Variants in MRPL3 observed in about 807,000 individuals in gnomAD.
MRPL3 encodes the protein large ribosomal subunit protein uL3m.
MRPL3 carries 43 observed loss-of-function variants against 44.3 expected under a neutral mutation model. The ratio of observed to expected loss-of-function variants is 0.97; its 90% CI spans 0.76 to 1.25. The LOEUF (loss-of-function observed/expected upper bound fraction) is 1.25, where lower values mean the gene tolerates loss of function less well. Among genes scored for constraint, MRPL3 ranks in the 50% most tolerant of loss-of-function variants. MRPL3 has a pLI of 0.00. For synonymous variants in MRPL3, 171 were observed against 152.3 expected (o/e 1.12, Z -0.91); for missense variants, 406 against 427.6 (o/e 0.95, Z 0.45).
chr3:131,472,428 C>T (rs992728455), intron 6 of MRPL3, among the ~76,000 whole-genome samples: 1 of 152,104 alleles, frequency 6.6e-6, no homozygotes, highest in Non-Finnish European at 1.5e-5. Flanking sequence ...TTCTGAAATG[C>T]TCACTAAATT....
chr3:131,473,475 C>A (rs1261984986), intron 6 of MRPL3, among the ~76,000 whole-genome samples: 3 of 151,684 alleles, frequency 2.0e-5, no homozygotes, highest in Non-Finnish European at 4.4e-5. Context: ...GGAAATGCTT[C>A]ATAATACTGG....
intron 4 of MRPL3, among the ~76,000 whole-genome samples, chr3:131,492,536 G>T (rs1305111296): frequency 6.6e-6 from 1 of 152,120 alleles, no homozygotes; most frequent in African/African-American, 2.4e-5. Context: ...AGCTCCTATA[G>T]GGTTTGCGCT....
chr3:131,492,574 TCTGA>T (rs1404540489), intron 4 of MRPL3, among the ~76,000 whole-genome samples: 3 of 152,162 alleles, frequency 2.0e-5, no homozygotes, highest in Non-Finnish European at 2.9e-5. Flanking sequence ...CTGCCACTGA[TCTGA>T]CTGACAGGAG....
chr3:131,480,562 T>A lies in MRPL3; in HGVS notation c.629+7118A>T, dbSNP rs572740381. Among the ~76,000 whole-genome samples the A allele has an allele frequency of 3.3e-5, 5 of 152,278 alleles. No homozygotes were observed. In the East Asian group the frequency reaches 9.6e-4, roughly 29 times the overall value. ...TGCTTACGGCTTTTCTGACATCAAA[T>A]CTAGCTCATTTAATAGTACAAAGAG... On this transcript the variant is annotated intron_variant, in intron 6 of 9. Transcript: ENST00000264995.
chr3:131,465,029 T>C (rs1933570698), intron 9 of MRPL3, among the ~76,000 whole-genome samples: 1 of 152,250 alleles, frequency 6.6e-6, no homozygotes, highest in South Asian at 2.1e-4. Flanking sequence ...AATTCATACC[T>C]TAATTAATGC....
In MRPL3 at chr3:131,502,948, C is replaced by A. The variant is rs555070802; in HGVS notation, c.-127G>T. 367 of 864,606 alleles carry A rather than the reference C, an allele frequency of 4.2e-4. 1 individual carries two copies. Among genetic ancestry groups the A allele is most frequent in the Non-Finnish European group, 2.9e-4 (154 of 530,820 alleles). The allele number at this position is 864,606 out of a possible 1,614,324, so 53.6% of individuals were successfully genotyped here. ...GAAGTTTTCGCAATGGCCGCCGGAA[C>A]GGTCGCCGGCCGATGCTCTCTGCGA... On this transcript the variant is annotated 5_prime_UTR_variant, in exon 1 of 10. Transcript: ENST00000264995.
chr3:131,478,353 C>T (rs1246060368), intron 6 of MRPL3, among the ~76,000 whole-genome samples: 2 of 152,116 alleles, frequency 1.3e-5, no homozygotes, highest in Admixed American at 1.3e-4. Context: ...TCTCTTCCTT[C>T]AAGTTATCCT....
intron 6 of MRPL3, among the ~76,000 whole-genome samples, chr3:131,484,257 G>A (rs993235475): frequency 2.0e-5 from 3 of 152,174 alleles, no homozygotes; most frequent in Non-Finnish European, 4.4e-5. Flanking sequence ...GTGTGTTTCC[G>A]GACCAGCAGC....
chr3:131,471,882 T>A (rs1019268390), intron 6 of MRPL3, among the ~76,000 whole-genome samples: 4 of 152,136 alleles, frequency 2.6e-5, no homozygotes, highest in African/African-American at 9.7e-5. Flanking sequence ...GTGTAAACTG[T>A]CCTATGGAGA....
At chr3:131,472,337 A>G (rs1933759334) in intron 6 of MRPL3, among the ~76,000 whole-genome samples, 2 of 152,130 alleles carry the variant, frequency 1.3e-5, no homozygotes, top group South Asian at 4.1e-4. Flanking sequence ...AAATGAAATC[A>G]CTCTATTTTC....
In MRPL3 at chr3:131,463,213, A is replaced by C. The variant is rs188302111; in HGVS notation, c.895-338T>G. 3.4e-3 allele frequency among the ~76,000 whole-genome samples: 523 copies of C among 152,304 alleles called. 3 individuals carry two copies. The highest frequency in any genetic ancestry group is 0.011 in the African/African-American group (477 of 41,568). ...CATTTATATGGATTCATTTTCAAATATAATGACCTGACAAACTAGCATTTT... is the reference window on the plus strand; with the variant it reads ...CATTTATATGGATTCATTTTCAAATCTAATGACCTGACAAACTAGCATTTT... On this transcript the variant is annotated intron_variant, in intron 9 of 9. Transcript: ENST00000264995.
At chr3:131,484,911 G>A (rs1030346127) in intron 6 of MRPL3, among the ~76,000 whole-genome samples, 4 of 152,070 alleles carry the variant, frequency 2.6e-5, no homozygotes, top group Non-Finnish European at 4.4e-5. Flanking sequence ...ACACACACAT[G>A]CGAGGAAAAC....
chr3:131,479,601 T>C (rs1001046727), intron 6 of MRPL3, among the ~76,000 whole-genome samples: 3 of 152,108 alleles, frequency 2.0e-5, no homozygotes, highest in Non-Finnish European at 4.4e-5. Flanking sequence ...ATCCCAGTAC[T>C]TTGGGAGGCT....
intron 5 of MRPL3, 92 bp downstream of exon 5, chr3:131,489,889 A>G: frequency 1.4e-6 from 1 of 732,086 alleles, no homozygotes; most frequent in East Asian, 2.7e-5. Flanking sequence ...GAGACTTTGC[A>G]TTTTAGATGT....
In MRPL3 at chr3:131,498,170, C is replaced by T. The variant is rs1582720867; in HGVS notation, c.468+9G>A. 4 of 1,554,800 alleles carry T rather than the reference C, an allele frequency of 2.6e-6. No individual in the cohort carries two copies. The highest frequency in any genetic ancestry group is 1.8e-6 in the Non-Finnish European group (2 of 1,126,788). The stretch of plus-strand genomic sequence containing the variant: ...ATGCAGTATTCTAGCTATGAAAATA[C>T]ATCCTTACACGAAAACGTGATACAG... On this transcript the variant is annotated intron_variant, in intron 4 of 9. Coordinates refer to ENST00000264995, the MANE Select transcript of MRPL3 (RefSeq NM_007208.4).
At chr3:131,480,294 C>T (rs1030095202) in intron 6 of MRPL3, among the ~76,000 whole-genome samples, 2 of 152,172 alleles carry the variant, frequency 1.3e-5, no homozygotes, top group African/African-American at 4.8e-5. Flanking sequence ...TCTAAACCTA[C>T]TTGATCAGTG....
chr3:131,473,130 C>T (rs1933776140), intron 6 of MRPL3, among the ~76,000 whole-genome samples: 1 of 152,076 alleles, frequency 6.6e-6, no homozygotes, highest in South Asian at 2.1e-4. Context: ...AATAAAAAAG[C>T]TGGAGACATC....
chr3:131,478,630 A>G (rs1465327996), intron 6 of MRPL3, among the ~76,000 whole-genome samples: 2 of 151,044 alleles, frequency 1.3e-5, no homozygotes, highest in Non-Finnish European at 2.9e-5. Flanking sequence ...TTCATACTAC[A>G]TTGTCTATCT....
intron 9 of MRPL3, among the ~76,000 whole-genome samples, chr3:131,463,080 G>A (rs1933527147): frequency 6.6e-6 from 1 of 152,110 alleles, no homozygotes; most frequent in South Asian, 2.1e-4. Flanking sequence ...AGAAACTCAA[G>A]AAGCTATAAG....
Sources: allele counts gnomAD v4.1 joint callset (sites outside exome capture counted in the v4.1 genomes callset), GRCh38; gene constraint gnomAD v4.1.1; transcripts MANE v1.5; gene names NCBI Gene and HGNC (gene_info 2026-07-23, HGNC 2026-07-21).